The following NOTCH2 variants were observed in gnomAD, a reference collection of about 807,000 sequenced individuals.
NOTCH2 encodes neurogenic locus notch homolog protein 2.
Under a neutral mutation model 235.8 loss-of-function variants are expected in NOTCH2, and 29 were observed. That is an observed-to-expected ratio of 0.12 (90% CI 0.09 to 0.17). NOTCH2 has a LOEUF of 0.17. Ranked by LOEUF, NOTCH2 falls within the 10% of genes least tolerant of loss-of-function variation. NOTCH2 has a pLI of 1.00. For missense variants in NOTCH2, 2,285 were observed against 3,150.2 expected, an observed-to-expected ratio of 0.73 and a Z score of 6.57; for synonymous variants, 1,086 against 1,141.5, an observed-to-expected ratio of 0.95 and a Z score of 0.98.
intron 11 of NOTCH2, among the ~76,000 whole-genome samples, chr1:119,962,790 T>C (rs1324692682): frequency 2.0e-5 from 3 of 152,206 alleles, no homozygotes; most frequent in African/African-American, 7.2e-5. Flanking sequence ...ATCTGGAACA[T>C]AGTACATCTC....
chr1:119,914,804 G>A lies in NOTCH2; in HGVS notation c.*502C>T. The A allele has an allele frequency of 3.4e-6, 1 of 296,732 alleles. No homozygotes were observed. The highest frequency in any genetic ancestry group is 6.4e-6 in the Non-Finnish European group (1 of 156,904). The allele number at this position is 296,732 out of a possible 1,614,324, so 18.4% of individuals were successfully genotyped here. On this transcript the variant is annotated 3_prime_UTR_variant, in exon 34 of 34. Transcript: ENST00000256646. ...GTCTTGCCCTATAACATGCTGGTAG[G>A]GCTACAATCACGGAGAGGTGCAAAA...
Position 119,916,128 on chromosome 1 carries a change from T to A in NOTCH2, c.6594A>T (p.Ala2198=). The change falls in exon 34 of 34, where the codon GCA becomes GCT. Residue 2198 remains alanine, a synonymous_variant. Coordinates refer to ENST00000256646, the MANE Select transcript of NOTCH2 (RefSeq NM_024408.4). ...APPAPVHAQH[A]LSFSNLHEMQ... ...TTTCATGAAGGTTAGAAAAAGATAG[T>A]GCATGCTGGGCATGGACTGGGGCAG... 1.2e-6 allele frequency: 2 copies of A among 1,614,050 alleles called. No individual in the cohort carries two copies. The highest frequency in any genetic ancestry group is 1.7e-6 in the Non-Finnish European group (2 of 1,179,992).
intron 3 of NOTCH2, among the ~76,000 whole-genome samples, chr1:120,001,743 C>T (rs587755908): frequency 1.4e-4 from 22 of 152,288 alleles, no homozygotes; most frequent in East Asian, 7.7e-4. Flanking sequence ...GACTACCATC[C>T]GCGGACTCAT....
chr1:119,942,249 A>G (rs1553196560), intron 17 of NOTCH2, among the ~76,000 whole-genome samples: 1 of 152,184 alleles, frequency 6.6e-6, no homozygotes, highest in Non-Finnish European at 1.5e-5. Context: ...CACAGTTTAA[A>G]TAAAAATTGA....
chr1:119,958,094 T>C (rs1163757014), intron 12 of NOTCH2, among the ~76,000 whole-genome samples: 1 of 152,224 alleles, frequency 6.6e-6, no homozygotes, highest in African/African-American at 2.4e-5. Flanking sequence ...AAATGTTACC[T>C]ATTCTCTTTG....
At position 119,986,979 on chromosome 1, in the gene NOTCH2, G is replaced by A. The variant is rs1553202291; in HGVS notation, c.855C>T (p.Arg285=). ...ACATACCTGTCCATTGTGGGGGACAGCGGCAGTTGTAAGTGTTGACCCCAT... is the reference window on the plus strand; with the variant it reads ...ACATACCTGTCCATTGTGGGGGACAACGGCAGTTGTAAGTGTTGACCCCAT... ...CVDGVNTYNC[R]CPPQWTGQFC... Residue 285 remains arginine, a synonymous_variant, in exon 5 of 34, where the codon CGC becomes CGT. Coordinates refer to ENST00000256646, the MANE Select transcript of NOTCH2 (RefSeq NM_024408.4). The A allele has an allele frequency of 1.2e-6, 2 of 1,613,658 alleles. No homozygotes were observed. The highest frequency in any genetic ancestry group is 3.3e-5 in the Admixed American group (2 of 59,990).
chr1:119,937,808 A>G lies in NOTCH2; in HGVS notation c.3337+49T>C, dbSNP rs1264199308. The G allele has an allele frequency of 2.5e-6, 4 of 1,605,432 alleles. No homozygotes were observed. The Admixed American group carries it at 5.0e-5, about 20-fold the overall frequency. On this transcript the variant is annotated intron_variant, in intron 20 of 33. Coordinates refer to ENST00000256646, the MANE Select transcript of NOTCH2 (RefSeq NM_024408.4). The stretch of plus-strand genomic sequence containing the variant: ...TGATACCTTCTCTAAATGCCACTGG[A>G]CAGTCAATACTGCAGTGAATGACCT...
At chr1:119,940,870 C>A in intron 18 of NOTCH2, 114 bp from the exon 19 acceptor site, 1 of 911,972 alleles carries the variant, frequency 1.1e-6, no homozygotes, top group South Asian at 1.4e-5. Flanking sequence ...CTGAGCAACC[C>A]ATATCCCTTA....
intron 21 of NOTCH2, 126 bp downstream of exon 21, chr1:119,937,156 G>T: frequency 1.1e-6 from 1 of 943,328 alleles, no homozygotes. Flanking sequence ...ACATTATGAC[G>T]GGGATTGGTA....
chr1:119,916,362 G>A lies in NOTCH2; in HGVS notation c.6360C>T (p.Ala2120=), dbSNP rs1423934674. 6.2e-7 allele frequency: 1 copy of A among 1,614,170 alleles called. No homozygotes were observed. The highest frequency in any genetic ancestry group is 1.7e-5 in the Admixed American group (1 of 60,020). ...STMPTSLPNL[A]KEAKDAKGSR... Reference sequence around the variant, plus strand: ...TACCCTTGGCATCCTTTGCCTCCTTGGCAAGGTTAGGGAGGCTAGTAGGCA... The same window carrying A: ...TACCCTTGGCATCCTTTGCCTCCTTAGCAAGGTTAGGGAGGCTAGTAGGCA... The change falls in exon 34 of 34, where the codon GCC becomes GCT. Residue 2120 remains alanine, a synonymous_variant. Coordinates refer to ENST00000256646, the MANE Select transcript of NOTCH2 (RefSeq NM_024408.4).
chr1:119,937,875 T>C lies in NOTCH2; in HGVS notation c.3319A>G (p.Ile1107Val), dbSNP rs781824405. The change falls in exon 20 of 34, where the codon ATA becomes GTA. Residue 1107 changes from isoleucine (I) to valine (V), a missense_variant. Around this residue, in one of 6 missense-constraint regions of NOTCH2, gnomAD observed 1,173 missense variants for 1,515.3 expected, o/e 0.77. Transcript: ENST00000256646. ...AGCTTACCTCTCCTGGAGGCTGCTA[T>C]GTCACAAGAGACATTGGGCACGTCA... ...YCDVPNVSCD[I>V]AASRRGVLVE... The C allele has an allele frequency of 1.2e-6, 2 of 1,614,208 alleles. No individual in the cohort carries two copies. Among genetic ancestry groups the C allele is most frequent in the South Asian group, 1.1e-5 (1 of 91,086 alleles).
In NOTCH2 at chr1:119,953,573, A is replaced by T; in HGVS notation, c.2335T>A (p.Tyr779Asn). 2 of 1,614,224 alleles carry T rather than the reference A, an allele frequency of 1.2e-6. No homozygotes were observed. Among genetic ancestry groups the T allele is most frequent in the Non-Finnish European group, 1.7e-6 (2 of 1,180,024 alleles). ...GGTCDNLVNG[Y>N]RCTCKKGFKG... The stretch of plus-strand genomic sequence containing the variant: ...AAGCCCTTCTTGCAAGTACACCTGT[A>T]TCCATTCACCAGATTGTCACAAGTT... Residue 779 changes from tyrosine to asparagine, a missense_variant, in exon 14 of 34, where the codon TAC (tyrosine) becomes AAC (asparagine). Physicochemically the swap from Tyr to Asn is moderately radical, Grantham distance 143. Around this residue, in one of 6 missense-constraint regions of NOTCH2, gnomAD observed 1,173 missense variants for 1,515.3 expected, o/e 0.77. Transcript: ENST00000256646.
At chr1:119,973,648 G>A (rs1338964801) in intron 5 of NOTCH2, among the ~76,000 whole-genome samples, 1 of 152,046 alleles carries the variant, frequency 6.6e-6, no homozygotes, top group African/African-American at 2.4e-5. Context: ...AGAAGGCATA[G>A]GTGCATAAGA....
intron 4 of NOTCH2, chr1:119,995,662 C>A (rs1328195328): frequency 1.5e-4 from 23 of 152,082 alleles, no homozygotes; most frequent in African/African-American, 5.1e-4. Context: ...AGAATGATAG[C>A]ATTATCTATT....
At chr1:119,953,268 G>T (rs587624264) in intron 14 of NOTCH2, among the ~76,000 whole-genome samples, 2 of 151,028 alleles carry the variant, frequency 1.3e-5, no homozygotes, top group East Asian at 3.9e-4. Flanking sequence ...CCAAGATCAC[G>T]CACCATTGCA....
chr1:120,010,301 A>T (rs1196664908), intron 2 of NOTCH2, among the ~76,000 whole-genome samples: 2 of 152,150 alleles, frequency 1.3e-5, no homozygotes, highest in African/African-American at 2.4e-5. Flanking sequence ...GGAATAACAG[A>T]ACCTTCAGAT....
chr1:119,916,752 T>C, intron 33 of NOTCH2, 58 bp from the exon 34 acceptor site: 2 of 1,547,640 alleles, frequency 1.3e-6, no homozygotes, highest in Admixed American at 3.5e-5. Context: ...AATATAGCAG[T>C]TTTTCTCAAT....
intron 5 of NOTCH2, among the ~76,000 whole-genome samples, chr1:119,978,547 C>T (rs1553201254): frequency 6.6e-6 from 1 of 152,210 alleles, no homozygotes; most frequent in East Asian, 1.9e-4. Context: ...AGAAATACTG[C>T]AGTGCATCTG....
At chr1:119,958,714 A>ATGTATG (rs1650806734) in intron 12 of NOTCH2, among the ~76,000 whole-genome samples, 1 of 149,748 alleles carries the variant, frequency 6.7e-6, no homozygotes, top group Non-Finnish European at 1.5e-5. Context: ...GAGAGAGAAG[A>ATGTATG]TGTGTGTGTG....
Sources: allele counts gnomAD v4.1 joint callset (sites outside exome capture counted in the v4.1 genomes callset), GRCh38; gene constraint gnomAD v4.1.1; regional missense constraint gnomAD v4.1.1; transcripts MANE v1.5; gene names NCBI Gene and HGNC (gene_info 2026-07-23, HGNC 2026-07-21).